AOPEP: variants seen among roughly 807,000 people sequenced by gnomAD.
AOPEP encodes the protein aminopeptidase O (putative).
A neutral mutation model predicts 98.1 loss-of-function variants in AOPEP; 77 were observed. The observed-to-expected ratio is 0.78, with a 90% CI of 0.65 to 0.95. The LOEUF is 0.95. AOPEP is among the 40% of genes least tolerant of loss of function. The pLI, the probability that AOPEP is intolerant of heterozygous loss-of-function variation, is 0.00. For missense variants in AOPEP, 1,024 were observed against 1,024.7 expected (o/e 1.00, Z 0.01); for synonymous variants, 346 against 365.3 (o/e 0.95, Z 0.60).
intron 7 of AOPEP, chr9:94,933,742 T>G (rs2055774877): frequency 1.1e-6 from 1 of 880,102 alleles, no homozygotes; most frequent in African/African-American, 1.8e-5. Flanking sequence ...TTATTTTTAT[T>G]TATTTTTTTT....
chr9:94,973,597 G>A (rs10993424), intron 10 of AOPEP, among the ~76,000 whole-genome samples: 11,801 of 152,204 alleles, frequency 0.078, 1,149 homozygotes, highest in African/African-American at 0.23. Context: ...AGGATGTGGG[G>A]GTGCACCAGG....
intron 7 of AOPEP, among the ~76,000 whole-genome samples, chr9:94,947,633 C>T (rs997783481): frequency 6.6e-6 from 1 of 152,204 alleles, no homozygotes; most frequent in African/African-American, 2.4e-5. Context: ...TAATAACATT[C>T]TTTGAGTGCT....
intron 1 of AOPEP, among the ~76,000 whole-genome samples, chr9:94,745,511 G>A (rs1489715439): frequency 1.3e-5 from 2 of 152,184 alleles, no homozygotes; most frequent in Non-Finnish European, 2.9e-5. Flanking sequence ...TCCTGACCTC[G>A]TGATCTGCCT....
At chr9:95,013,364 CCTCCT>C (rs2062717015) in intron 13 of AOPEP, among the ~76,000 whole-genome samples, 1 of 151,194 alleles carries the variant, frequency 6.6e-6, no homozygotes, top group Non-Finnish European at 1.5e-5. Context: ...TTTTCTTCCC[CCTCCT>C]CTCTTTATTT....
the AOPEP span, chr9:95,101,851 C>G: frequency 6.2e-7 from 1 of 1,613,932 alleles, no homozygotes; most frequent in South Asian, 1.1e-5. Context: ...TGTGAGCCAT[C>G]TGCAATCAGG....
At chr9:94,883,250 A>G (rs954393541) in intron 5 of AOPEP, among the ~76,000 whole-genome samples, 4 of 152,244 alleles carry the variant, frequency 2.6e-5, no homozygotes, top group African/African-American at 9.6e-5. Flanking sequence ...GATGAAAGAA[A>G]AACTTTAGAC....
intron 7 of AOPEP, among the ~76,000 whole-genome samples, chr9:94,938,841 A>G (rs2056652443): frequency 6.6e-6 from 1 of 152,246 alleles, no homozygotes; most frequent in South Asian, 2.1e-4. Flanking sequence ...AAGAGTCTAG[A>G]GAACAGATGG....
intron 13 of AOPEP, among the ~76,000 whole-genome samples, chr9:95,026,593 AGTTGAT>A (rs2063858104): frequency 6.6e-6 from 1 of 152,210 alleles, no homozygotes; most frequent in Non-Finnish European, 1.5e-5. Context: ...TCTGTTCACC[AGTTGAT>A]GCACATTTGG....
chr9:94,804,894 T>C (rs1848914611), intron 5 of AOPEP, among the ~76,000 whole-genome samples: 1 of 152,110 alleles, frequency 6.6e-6, no homozygotes, highest in African/African-American at 2.4e-5. Context: ...AAGGGTGACA[T>C]TTGGGCTAAG....
At chr9:94,733,420 AT>A (rs1831026519) in intron 1 of AOPEP, among the ~76,000 whole-genome samples, 1 of 152,122 alleles carries the variant, frequency 6.6e-6, no homozygotes, top group African/African-American at 2.4e-5. Context: ...TCATTTTCTT[AT>A]GATGGTTTTA....
At chr9:95,101,981 A>G in the AOPEP span, 2 of 1,045,216 alleles carry the variant, frequency 1.9e-6, no homozygotes, top group Admixed American at 2.0e-5. Flanking sequence ...GTTCCAAAGT[A>G]AAGCATCAGG....
At position 94,979,423 on chromosome 9, in the gene AOPEP, C is replaced by G; in HGVS notation, c.1973C>G (p.Pro658Arg). 2 of 1,593,654 alleles carry G rather than the reference C, an allele frequency of 1.3e-6. No individual in the cohort carries two copies. The change falls in exon 11 of 17, where the codon CCA becomes CGA. Residue 658 changes from proline to arginine, a missense_variant. Transcript: ENST00000375315. ...GACTGGCTTGAGAGTTCCGGAATAC[C>G]AAAGGTAACTCAAGATAACCACTTT... ...YQDWLESSGI[P>R]KPLQRERRAG...
chr9:94,875,422 G>A (rs2046838300), intron 5 of AOPEP, among the ~76,000 whole-genome samples: 1 of 150,174 alleles, frequency 6.7e-6, no homozygotes, highest in Non-Finnish European at 1.5e-5. Context: ...TCAGAGACTT[G>A]GGCTGCCACA....
rs114531698 is a variant in AOPEP, at chr9:94,930,950, G to A, written c.1661+2419G>A. On this transcript the variant is annotated intron_variant, in intron 7 of 16. Transcript: ENST00000375315. This position sits in a 1 kb window ranked among gnomAD's most constrained non-coding sequence, Gnocchi z 4.5. ...ATGCTTACCTGCGAGCTGCCTCACT[G>A]TGCAAATCCCTTCACCTCTTAAAGG... is the stretch of plus-strand genomic sequence containing the variant. Among the ~76,000 whole-genome samples the A allele has an allele frequency of 6.6e-6, 1 of 152,186 alleles. No individual in the cohort carries two copies. Among genetic ancestry groups the A allele is most frequent in the Admixed American group, 6.5e-5 (1 of 15,290 alleles).
At chr9:94,864,224 G>T (rs1397748082) in intron 5 of AOPEP, among the ~76,000 whole-genome samples, 1 of 152,178 alleles carries the variant, frequency 6.6e-6, no homozygotes, top group Non-Finnish European at 1.5e-5. Flanking sequence ...TGACAATTCA[G>T]CATGGGGAGA....
At chr9:95,132,805 A>G in the AOPEP span, among the ~76,000 whole-genome samples, 1 of 152,246 alleles carries the variant, frequency 6.6e-6, no homozygotes, top group African/African-American at 2.4e-5. Flanking sequence ...ACATTTGGGA[A>G]GGTCATTTCA....
At position 95,016,788 on chromosome 9, in the gene AOPEP, T is replaced by TA. The variant is rs1418975295; in HGVS notation, c.2115+11176dup. Among the ~76,000 whole-genome samples, 10 of 150,808 alleles carry TA rather than the reference T, an allele frequency of 6.6e-5. No individual in the cohort carries two copies. In the South Asian group the frequency reaches 1.5e-3, roughly 22 times the overall value. On this transcript the variant is annotated intron_variant, in intron 13 of 16. Coordinates refer to ENST00000375315, the MANE Select transcript of AOPEP (RefSeq NM_001193329.3). ...CCACCATGTCAGCTTTTTTTTTTTTTAAAAGAGACAGGGTCTCTATGTTGC... is the reference window on the plus strand; with the variant it reads ...CCACCATGTCAGCTTTTTTTTTTTTTAAAAAGAGACAGGGTCTCTATGTTGC...
At chr9:94,896,682 GT>G (rs2049609886) in intron 5 of AOPEP, among the ~76,000 whole-genome samples, 2 of 152,262 alleles carry the variant, frequency 1.3e-5, no homozygotes, top group South Asian at 4.1e-4. Context: ...ATTCTGTAAA[GT>G]ACTTGACCAT....
chr9:94,878,700 A>C (rs2047246729), intron 5 of AOPEP, among the ~76,000 whole-genome samples: 1 of 152,158 alleles, frequency 6.6e-6, no homozygotes, highest in South Asian at 2.1e-4. Flanking sequence ...TCTGATTGCC[A>C]TTTAATGCCA....
Sources: gnomAD v4.1 joint callset for allele counts (sites outside exome capture counted in the v4.1 genomes callset) on GRCh38, gnomAD v4.1.1 for gene constraint, Gnocchi (gnomAD v3.1) non-coding constraint, MANE v1.5 for transcripts, NCBI Gene and HGNC (gene_info 2026-07-23, HGNC 2026-07-21) for gene names.